The following FOXP2 variants were observed in gnomAD, a reference collection of about 807,000 sequenced individuals.
FOXP2 encodes forkhead box protein P2.
Under a neutral mutation model 115.8 loss-of-function variants are expected in FOXP2, and 12 were observed. The ratio of observed to expected loss-of-function variants is 0.10; its 90% confidence interval spans 0.07 to 0.17. FOXP2 has a LOEUF of 0.17. FOXP2 is among the 10% of genes least tolerant of loss of function. The pLI is 1.00. For synonymous variants in FOXP2, 328 were observed against 297.7 expected (o/e 1.10, Z -1.05); for missense variants, 629 against 843.5 (o/e 0.75, Z 3.15).
At chr7:114,477,013 G>A (rs1175326691) in intron 2 of FOXP2, among the ~76,000 whole-genome samples, 1 of 151,982 alleles carries the variant, frequency 6.6e-6, no homozygotes, top group Non-Finnish European at 1.5e-5. Flanking sequence ...ACAGATGCTG[G>A]CAAGGTTGTG....
chr7:114,476,305 A>C lies in FOXP2; in HGVS notation c.168+49626A>C, dbSNP rs1044209887. ...TTTGAGTTAATTTTTGTAAATAGTG[A>C]AAAGTAGGTGTCCAGTTTTATTCTT... On this transcript the variant is annotated intron_variant, in intron 2 of 16. Coordinates refer to ENST00000350908, the MANE Select transcript of FOXP2 (RefSeq NM_014491.4). Among the ~76,000 whole-genome samples the C allele has an allele frequency of 3.3e-5, 5 of 151,972 alleles. No individual in the cohort carries two copies. The East Asian group carries it at 5.8e-4, about 18-fold the overall frequency.
chr7:114,309,743 G>A (rs754308898), intron 2 of FOXP2, among the ~76,000 whole-genome samples: 8 of 151,884 alleles, frequency 5.3e-5, no homozygotes, highest in Non-Finnish European at 1.0e-4. Context: ...ATAGCTCACT[G>A]CAGCTTCTGA....
intron 2 of FOXP2, among the ~76,000 whole-genome samples, chr7:114,472,094 G>C (rs1244921270): frequency 6.6e-6 from 1 of 152,098 alleles, no homozygotes; most frequent in Non-Finnish European, 1.5e-5. Flanking sequence ...ACCACTCAAG[G>C]GTTTGGGATA....
chr7:114,504,671 T>C (rs533542565), intron 2 of FOXP2, among the ~76,000 whole-genome samples: 1 of 151,800 alleles, frequency 6.6e-6, no homozygotes, highest in African/African-American at 2.4e-5. Flanking sequence ...GAATGTCATG[T>C]CAACATGATA....
At chr7:114,528,851 T>A (rs893571707) in intron 2 of FOXP2, among the ~76,000 whole-genome samples, 2 of 151,962 alleles carry the variant, frequency 1.3e-5, no homozygotes, top group South Asian at 2.1e-4. Flanking sequence ...ATAAAATGTT[T>A]TATAGCAGAA....
chr7:114,148,636 GAAGT>G (rs1437652775), intron 1 of FOXP2, among the ~76,000 whole-genome samples: 1 of 152,168 alleles, frequency 6.6e-6, no homozygotes, highest in Non-Finnish European at 1.5e-5. Flanking sequence ...AAATAAAAGA[GAAGT>G]AAGATAAGAA....
intron 3 of FOXP2, among the ~76,000 whole-genome samples, chr7:114,546,181 T>C (rs1402336919): frequency 6.6e-6 from 1 of 152,198 alleles, no homozygotes; most frequent in African/African-American, 2.4e-5. Flanking sequence ...TAGATCAACA[T>C]GTTACAAAGT....
intron 2 of FOXP2, among the ~76,000 whole-genome samples, chr7:114,478,202 A>G (rs1031433902): frequency 2.0e-5 from 3 of 151,924 alleles, no homozygotes; most frequent in Non-Finnish European, 4.4e-5. Context: ...AAAATAATCC[A>G]TCATAATGAA....
At chr7:114,564,566 C>A (rs1444607010) in intron 3 of FOXP2, among the ~76,000 whole-genome samples, 4 of 152,062 alleles carry the variant, frequency 2.6e-5, no homozygotes, top group Non-Finnish European at 5.9e-5. Flanking sequence ...ATTCCTATCT[C>A]ATCACAGTTG....
chr7:114,430,684 A>G (rs1373685742), intron 2 of FOXP2, among the ~76,000 whole-genome samples: 3 of 151,850 alleles, frequency 2.0e-5, no homozygotes, highest in Non-Finnish European at 2.9e-5. Flanking sequence ...TTGTTCAGAA[A>G]ATTACAATTC....
At position 114,219,276 on chromosome 7, in the gene FOXP2, G is replaced by A. The variant is rs191046048; in HGVS notation, c.-102+56188G>A. Among the ~76,000 whole-genome samples the A allele has an allele frequency of 3.2e-3, 480 of 152,078 alleles. 4 individuals carry two copies. Among genetic ancestry groups the A allele is most frequent in the African/African-American group, 0.011 (459 of 41,500 alleles). On this transcript the variant is annotated intron_variant, in intron 1 of 17. Transcript: ENST00000634411. Reference sequence around the variant, plus strand: ...TAAAAATTTATTATCCAATTGTAAGGAGATCATAAGGTCGATTTCAACAAC... The same window carrying A: ...TAAAAATTTATTATCCAATTGTAAGAAGATCATAAGGTCGATTTCAACAAC...
At chr7:114,574,481 T>C (rs1033769008) in intron 3 of FOXP2, among the ~76,000 whole-genome samples, 2 of 151,838 alleles carry the variant, frequency 1.3e-5, no homozygotes, top group African/African-American at 4.8e-5. Context: ...GATACATGCC[T>C]TTCTTTTTTT....
At chr7:114,306,156 T>C (rs1454146723) in intron 2 of FOXP2, among the ~76,000 whole-genome samples, 1 of 152,186 alleles carries the variant, frequency 6.6e-6, no homozygotes, top group Middle Eastern at 3.2e-3. Context: ...GTACCAGGTC[T>C]GGTATTTGAT....
chr7:114,594,463 T>C (rs1270673215), intron 3 of FOXP2, among the ~76,000 whole-genome samples: 2 of 152,096 alleles, frequency 1.3e-5, no homozygotes, highest in Non-Finnish European at 2.9e-5. Flanking sequence ...AGCCGACTGA[T>C]TATATTGTTG....
chr7:114,183,889 C>T lies in FOXP2; in HGVS notation c.-102+20801C>T, dbSNP rs144791751. ...TTTGGGATAAAGTGTTTTGTTGGGT[C>T]CAGATGTGTTTTATCTAGCCTGTCA... On this transcript the variant is annotated intron_variant, in intron 1 of 17. Coordinates refer to the FOXP2 transcript ENST00000634411. Among the ~76,000 whole-genome samples, 416 of 152,086 alleles carry T rather than the reference C, an allele frequency of 2.7e-3. 4 individuals are homozygous for T. The highest frequency in any genetic ancestry group is 9.7e-3 in the African/African-American group (402 of 41,506).
upstream of FOXP2, chr7:114,087,728 G>T (rs6961558): frequency 2.6e-5 from 4 of 151,380 alleles, no homozygotes; most frequent in Non-Finnish European, 5.9e-5. Flanking sequence ...GCCGCAACGC[G>T]CCCTGACACC....
chr7:114,158,391 A>T (rs1792729144), upstream of FOXP2, among the ~76,000 whole-genome samples: 1 of 151,906 alleles, frequency 6.6e-6, no homozygotes, highest in South Asian at 2.1e-4. Context: ...CTTAGTTGTT[A>T]AATCTTAAAA....
chr7:114,281,097 T>TA (rs1357388211), intron 1 of FOXP2, among the ~76,000 whole-genome samples: 3 of 130,218 alleles, frequency 2.3e-5, no homozygotes, highest in Non-Finnish European at 3.2e-5. Context: ...CAATTTGAAT[T>TA]TTTTTTTTTT....
chr7:114,117,224 CT>C (rs749660809), intron 1 of FOXP2, among the ~76,000 whole-genome samples: 439 of 140,620 alleles, frequency 3.1e-3, no homozygotes, highest in African/African-American at 3.5e-3. Context: ...CATTACATTA[CT>C]TTTTTTTTTT....
Sources: gnomAD v4.1 joint callset for allele counts (sites outside exome capture counted in the v4.1 genomes callset) on GRCh38, gnomAD v4.1.1 for gene constraint, MANE v1.5 for transcripts, NCBI Gene and HGNC (gene_info 2026-07-23, HGNC 2026-07-21) for gene names.